The following HSPA12A variants were observed in gnomAD, a reference collection of about 807,000 sequenced individuals.
The protein encoded by HSPA12A is heat shock 70 kDa protein 12A.
HSPA12A carries 28 observed loss-of-function variants against 69.2 expected under a neutral mutation model. The observed-to-expected ratio is 0.40, with a 90% CI of 0.30 to 0.55. The LOEUF (loss-of-function observed/expected upper bound fraction) is 0.55. HSPA12A is among the 20% of genes least tolerant of loss of function. The probability of loss-of-function intolerance (pLI) is 0.38; values close to 1 mark genes in which losing one functional copy is unlikely to be tolerated. For missense variants in HSPA12A, 686 were observed against 900.7 expected (o/e 0.76, Z 3.05); for synonymous variants, 345 against 370.5 (o/e 0.93, Z 0.79).
At chr10:116,849,534 G>C (rs888956007) in intron 1 of HSPA12A, 60 of 1,488,154 alleles carry the variant, frequency 4.0e-5, no homozygotes, top group African/African-American at 7.0e-5. Flanking sequence ...GGGACCCCAG[G>C]CTAAACCCCG....
At chr10:116,788,887 A>G (rs1220847583) in intron 2 of HSPA12A, among the ~76,000 whole-genome samples, 1 of 139,976 alleles carries the variant, frequency 7.1e-6, no homozygotes, top group Non-Finnish European at 1.5e-5. Context: ...TTTTTTTGAG[A>G]CAGAGTTTTG....
chr10:116,806,202 T>G (rs1845063720), intron 2 of HSPA12A, among the ~76,000 whole-genome samples: 1 of 151,996 alleles, frequency 6.6e-6, no homozygotes, highest in East Asian at 1.9e-4. Flanking sequence ...CTGCTGTAGA[T>G]ATATATATAT....
chr10:116,761,667 T>A (rs1554889302), intron 2 of HSPA12A, among the ~76,000 whole-genome samples: 1 of 152,012 alleles, frequency 6.6e-6, no homozygotes, highest in Non-Finnish European at 1.5e-5. Flanking sequence ...ATCGTACCAC[T>A]GGACTCCAGC....
At position 116,694,801 on chromosome 10, in the gene HSPA12A, C is replaced by T. The variant is rs570376464; in HGVS notation, c.547-2334G>A. ...TGCAACCTTTGCTCTTCCAGCAGAC[C>T]TGGGTCCACCTCGTTGTGCCCCTCC... On this transcript the variant is annotated intron_variant, in intron 5 of 11. Transcript: ENST00000369209. Among the ~76,000 whole-genome samples, 12 of 152,246 alleles carry T rather than the reference C, an allele frequency of 7.9e-5. No individual in the cohort carries two copies. The East Asian group carries it at 2.3e-3, about 30-fold the overall frequency.
chr10:116,676,055 C>T (rs1849226657), intron 11 of HSPA12A, among the ~76,000 whole-genome samples: 1 of 152,230 alleles, frequency 6.6e-6, no homozygotes, highest in Non-Finnish European at 1.5e-5. Context: ...AACATTGCCT[C>T]AGAGCTTCCA....
At chr10:116,788,860 G>A (rs943251705) in intron 2 of HSPA12A, among the ~76,000 whole-genome samples, 4 of 142,844 alleles carry the variant, frequency 2.8e-5, no homozygotes, top group Non-Finnish European at 4.5e-5. Context: ...AGAATTCTAC[G>A]CAGCTATTTT....
At chr10:116,831,614 G>T (rs1201819593) in intron 2 of HSPA12A, 2 of 152,080 alleles carry the variant, frequency 1.3e-5, no homozygotes, top group African/African-American at 4.8e-5. Flanking sequence ...ACCTTTCCGG[G>T]GTCCCCATCG....
chr10:116,718,640 T>C (rs1554884051), intron 1 of HSPA12A, among the ~76,000 whole-genome samples: 1 of 151,870 alleles, frequency 6.6e-6, no homozygotes, highest in East Asian at 1.9e-4. Context: ...TACCCAGAGG[T>C]AAGTGTGCTA....
intron 2 of HSPA12A, among the ~76,000 whole-genome samples, chr10:116,794,252 T>C (rs996839058): frequency 6.6e-6 from 1 of 152,004 alleles, no homozygotes; most frequent in Non-Finnish European, 1.5e-5. Flanking sequence ...AGGGACCAAA[T>C]GCTCCTGGTA....
upstream of HSPA12A, among the ~76,000 whole-genome samples, chr10:116,744,728 G>A (rs1851611178): frequency 6.6e-6 from 1 of 152,230 alleles, no homozygotes; most frequent in African/African-American, 2.4e-5. Context: ...GGGCTGTTGT[G>A]GTCTCACCTA....
chr10:116,746,634 T>C (rs1554887839), upstream of HSPA12A, among the ~76,000 whole-genome samples: 2 of 152,224 alleles, frequency 1.3e-5, no homozygotes, highest in East Asian at 1.9e-4. Flanking sequence ...AGAGATCATA[T>C]ATGTAAAACA....
chr10:116,835,532 A>G (rs1845695013), intron 1 of HSPA12A, among the ~76,000 whole-genome samples: 1 of 152,102 alleles, frequency 6.6e-6, no homozygotes, highest in African/African-American at 2.4e-5. Context: ...GCTTATTCTT[A>G]AAAGGGCTGT....
intron 3 of HSPA12A, 128 bp downstream of exon 3, chr10:116,705,023 G>T: frequency 8.6e-7 from 1 of 1,159,086 alleles, no homozygotes. Flanking sequence ...GGCATGGTGA[G>T]CTTGAGCCAA....
chr10:116,791,215 C>T (rs981336610), intron 2 of HSPA12A, among the ~76,000 whole-genome samples: 38 of 152,280 alleles, frequency 2.5e-4, no homozygotes, highest in African/African-American at 8.4e-4. Flanking sequence ...ACAAGGATGT[C>T]TGAAGCTTGA....
At chr10:116,779,416 G>C (rs1414210499) in intron 2 of HSPA12A, among the ~76,000 whole-genome samples, 1 of 152,190 alleles carries the variant, frequency 6.6e-6, no homozygotes, top group Non-Finnish European at 1.5e-5. Flanking sequence ...GGGCACCTCA[G>C]GGCTGTGGCC....
chr10:116,772,108 G>T (rs994101687), intron 2 of HSPA12A, among the ~76,000 whole-genome samples: 37 of 152,300 alleles, frequency 2.4e-4, no homozygotes, highest in African/African-American at 8.9e-4. Flanking sequence ...GGGGGTAGTG[G>T]CGAGGATGAT....
chr10:116,707,181 A>G lies in HSPA12A; in HGVS notation c.126+19T>C. The G allele has an allele frequency of 6.4e-7, 1 of 1,567,602 alleles. No individual in the cohort carries two copies. Among genetic ancestry groups the G allele is most frequent in the Non-Finnish European group, 8.7e-7 (1 of 1,147,518 alleles). On this transcript the variant is annotated intron_variant, in intron 2 of 11. Coordinates refer to ENST00000369209, the MANE Select transcript of HSPA12A (RefSeq NM_025015.3). The stretch of plus-strand genomic sequence containing the variant: ...CACACACACACACACACACACACAC[A>G]CACACACACACTTCTTACCACAATA...
intron 2 of HSPA12A, among the ~76,000 whole-genome samples, chr10:116,833,928 C>T (rs1259726453): frequency 6.6e-6 from 1 of 152,170 alleles, no homozygotes; most frequent in African/African-American, 2.4e-5. Flanking sequence ...GGGTCTGAGA[C>T]CACTTGAAAT....
chr10:116,749,705 A>C (rs1380398774), intron 2 of HSPA12A, among the ~76,000 whole-genome samples: 1 of 152,204 alleles, frequency 6.6e-6, no homozygotes. Context: ...ATGTAGCGGC[A>C]CTGAGGGGGA....
Sources: allele counts gnomAD v4.1 joint callset (sites outside exome capture counted in the v4.1 genomes callset), GRCh38; gene constraint gnomAD v4.1.1; transcripts MANE v1.5; gene names NCBI Gene and HGNC (gene_info 2026-07-23, HGNC 2026-07-21).